Variants in CUX2 observed in about 807,000 individuals in gnomAD.
CUX2 encodes cut like homeobox 2.
Under a neutral mutation model 144.8 loss-of-function variants are expected in CUX2, and 40 were observed. The observed-to-expected ratio is 0.28, with a 90% confidence interval of 0.21 to 0.36. The LOEUF is 0.36. Ranked by LOEUF, CUX2 falls within the 10% of genes least tolerant of loss-of-function variation. The pLI, the probability that CUX2 is intolerant of heterozygous loss-of-function variation, is 1.00. For missense variants in CUX2, 1,615 were observed against 1,994.0 expected (o/e 0.81, Z 3.62); for synonymous variants, 827 against 875.6 (o/e 0.94, Z 0.98).
rs1018211427 is a variant in CUX2 at position 111,171,592 on chromosome 12, A to G, written c.64-42608A>G. Among the ~76,000 whole-genome samples the G allele has an allele frequency of 6.6e-6, 1 of 152,114 alleles. No individual in the cohort carries two copies. Among genetic ancestry groups the G allele is most frequent in the Non-Finnish European group, 1.5e-5 (1 of 68,014 alleles). On this transcript the variant is annotated intron_variant, in intron 1 of 21. Coordinates refer to ENST00000261726, the MANE Select transcript of CUX2 (RefSeq NM_015267.4). This position sits in a 1 kb window ranked among gnomAD's most constrained non-coding sequence, Gnocchi z 5.0. ...TCTCCGGAGCACAGCCACCTGACAC[A>G]TCTGGGGCTATGGGACGGAAAAGCC... is the stretch of plus-strand genomic sequence containing the variant.
At chr12:111,141,535 G>T (rs1876317965) in intron 1 of CUX2, among the ~76,000 whole-genome samples, 1 of 152,156 alleles carries the variant, frequency 6.6e-6, no homozygotes, top group Non-Finnish European at 1.5e-5. Flanking sequence ...AGCCCCATTA[G>T]ATAAGTACTA....
intron 1 of CUX2, among the ~76,000 whole-genome samples, chr12:111,111,907 G>A (rs529501640): frequency 4.3e-4 from 66 of 152,178 alleles, no homozygotes; most frequent in Non-Finnish European, 5.9e-4. Flanking sequence ...AAGGGGAAAC[G>A]GTTCTCCCAC....
rs199968048 is a variant in CUX2, at chr12:111,171,975, CTGTG to C, written c.64-42216_64-42213del. 6.6e-6 allele frequency among the ~76,000 whole-genome samples: 1 copy of C among 151,212 alleles called. No individual in the cohort carries two copies. The highest frequency in any genetic ancestry group is 2.4e-5 in the African/African-American group (1 of 40,944). On this transcript the variant is annotated intron_variant, in intron 1 of 21. Transcript: ENST00000261726. The surrounding 1 kb of genome is among the most constrained non-coding windows in gnomAD (Gnocchi z 5.0). Reference sequence around the variant, plus strand: ...TGTGTGTGCGTGCATGTGCATGCACCTGTGTGTGTGTGCATGTGCCTGTGTGTGC... The same window carrying C: ...TGTGTGTGCGTGCATGTGCATGCACCTGTGTGTGCATGTGCCTGTGTGTGC...
At chr12:111,140,263 A>C (rs1401795102) in intron 1 of CUX2, among the ~76,000 whole-genome samples, 1 of 152,162 alleles carries the variant, frequency 6.6e-6, no homozygotes. Context: ...ACAGGGACTT[A>C]ATTTCCCAGG....
At chr12:111,192,480 C>G (rs573144553) in intron 1 of CUX2, among the ~76,000 whole-genome samples, 1 of 151,732 alleles carries the variant, frequency 6.6e-6, no homozygotes, top group Non-Finnish European at 1.5e-5. Context: ...TTCTTTTCCC[C>G]GAGAACTACA....
chr12:111,239,594 A>G (rs1243472802), intron 3 of CUX2, among the ~76,000 whole-genome samples: 4 of 152,216 alleles, frequency 2.6e-5, no homozygotes, highest in Admixed American at 2.6e-4. Flanking sequence ...GCATTTAAGC[A>G]AAGTTTATCA....
intron 4 of CUX2, among the ~76,000 whole-genome samples, chr12:111,265,003 AAGT>A (rs1172710026): frequency 5.3e-5 from 8 of 152,204 alleles, no homozygotes; most frequent in Admixed American, 2.6e-4. Context: ...CTAAGTGAAC[AAGT>A]GGTTGTAGAA....
At chr12:111,242,519 G>T (rs1390065223) in intron 3 of CUX2, among the ~76,000 whole-genome samples, 1 of 152,144 alleles carries the variant, frequency 6.6e-6, no homozygotes, top group Non-Finnish European at 1.5e-5. Flanking sequence ...TGTGTTCCTA[G>T]ATTAGATTTG....
Position 111,068,190 on chromosome 12 carries a change from GAA to G in CUX2, c.63+33953_63+33954del. 6.6e-6 allele frequency among the ~76,000 whole-genome samples: 1 copy of G among 152,192 alleles called. No homozygotes were observed. The highest frequency in any genetic ancestry group is 2.4e-5 in the African/African-American group (1 of 41,504). On this transcript the variant is annotated intron_variant, in intron 1 of 21. Transcript: ENST00000261726. This position sits in a 1 kb window ranked among gnomAD's most constrained non-coding sequence, Gnocchi z 4.9. Reference sequence around the variant, plus strand: ...TTGATCTCAAAAAAAGATCATCTTGGAAAAGATTGTTTTGTGTGCAGTTTACC... The same window carrying G: ...TTGATCTCAAAAAAAGATCATCTTGGAAGATTGTTTTGTGTGCAGTTTACC...
intron 3 of CUX2, among the ~76,000 whole-genome samples, chr12:111,240,918 C>CATGTCAGCAGTTGGGCAGAG (rs1882989216): frequency 6.6e-6 from 1 of 152,194 alleles, no homozygotes; most frequent in Non-Finnish European, 1.5e-5. Flanking sequence ...CAACCAGCCC[C>CATGTCAGCAGTTGGGCAGAG]ATGTCAGCAG....
intron 3 of CUX2, among the ~76,000 whole-genome samples, chr12:111,220,123 G>A (rs1592851574): frequency 2.0e-5 from 3 of 150,038 alleles, no homozygotes; most frequent in Non-Finnish European, 3.0e-5. Flanking sequence ...CAGCCTGGAC[G>A]ACAGAGCAAG....
chr12:111,228,581 G>A (rs1882300626), intron 3 of CUX2, among the ~76,000 whole-genome samples: 1 of 152,052 alleles, frequency 6.6e-6, no homozygotes. Context: ...GTGCCACCAT[G>A]CCTGGTTAAT....
At chr12:111,131,054 C>T (rs969435692) in intron 1 of CUX2, among the ~76,000 whole-genome samples, 4 of 152,066 alleles carry the variant, frequency 2.6e-5, no homozygotes, top group Non-Finnish European at 4.4e-5. Flanking sequence ...TTTTATGCCT[C>T]CTGTATTAGT....
intron 3 of CUX2, among the ~76,000 whole-genome samples, chr12:111,220,743 C>CAAAAAAAAAAAAAAAAAA (rs549438290): frequency 2.6e-5 from 1 of 39,106 alleles, no homozygotes; most frequent in Non-Finnish European, 4.2e-5. Context: ...CTCATCTCTG[C>CAAAAAAAAAAAAAAAAAA]AAAAAAAAAA....
At position 111,320,418 on chromosome 12, in the gene CUX2, G is replaced by A. The variant is rs758742538; in HGVS notation, c.2409G>A (p.Val803=). 6.3e-7 allele frequency: 1 copy of A among 1,597,676 alleles called. No homozygotes were observed. Among genetic ancestry groups the A allele is most frequent in the South Asian group, 1.1e-5 (1 of 91,052 alleles). Residue 803 remains valine, a synonymous_variant, in exon 17 of 22, where the codon GTG becomes GTA. Transcript: ENST00000261726. This position sits in a 1 kb window ranked among gnomAD's most constrained non-coding sequence, Gnocchi z 8.1. ...RGLLSRPYAS[V]SPSLSSSSSS... is the part of the protein sequence containing the mutation. ...TGCTCAGCCGCCCCTACGCCTCCGT[G>A]TCGCCCTCGCTGTCCTCCTCCTCCT...
intron 5 of CUX2, among the ~76,000 whole-genome samples, chr12:111,292,049 A>G (rs1885721964): frequency 6.6e-6 from 1 of 152,194 alleles, no homozygotes; most frequent in Non-Finnish European, 1.5e-5. Flanking sequence ...TTCAGTAAGT[A>G]AAACACAGGC....
Position 111,263,989 on chromosome 12 carries a change from GC to G in CUX2, c.301+152del. ...TCTGTATAGGGCAGGGGGAGCTGTG[GC>G]CAGTCTGGTGTGACATGTCCCCCCA... is the stretch of plus-strand genomic sequence containing the variant. On this transcript the variant is annotated intron_variant, in intron 4 of 21. Coordinates refer to ENST00000261726, the MANE Select transcript of CUX2 (RefSeq NM_015267.4). This position sits in a 1 kb window ranked among gnomAD's most constrained non-coding sequence, Gnocchi z 4.0. 1 of 697,308 alleles carries G rather than the reference GC, an allele frequency of 1.4e-6. No homozygotes were observed. The highest frequency in any genetic ancestry group is 2.5e-6 in the Non-Finnish European group (1 of 400,884). The allele number at this position is 697,308 out of a possible 1,614,324, so 43.2% of individuals were successfully genotyped here.
chr12:111,075,397 A>G (rs1285138127), intron 1 of CUX2, among the ~76,000 whole-genome samples: 1 of 152,014 alleles, frequency 6.6e-6, no homozygotes, highest in African/African-American at 2.4e-5. Context: ...GTGGTCCGTA[A>G]GAGTTTGTTG....
At chr12:111,087,803 A>G (rs1369609519) in intron 1 of CUX2, among the ~76,000 whole-genome samples, 1 of 152,174 alleles carries the variant, frequency 6.6e-6, no homozygotes, top group Non-Finnish European at 1.5e-5. Flanking sequence ...ATGAAGGACT[A>G]TATCCTAGGG....
Sources: gnomAD v4.1 joint callset for allele counts (sites outside exome capture counted in the v4.1 genomes callset) on GRCh38, gnomAD v4.1.1 for gene constraint, Gnocchi (gnomAD v3.1) non-coding constraint, MANE v1.5 for transcripts, NCBI Gene and HGNC (gene_info 2026-07-23, HGNC 2026-07-21) for gene names.